Variants in PTGR3 observed in about 807,000 individuals in gnomAD.
PTGR3 encodes prostaglandin reductase 3.
the PTGR3 span, chr18:75,202,308 T>G: frequency 6.2e-7 from 1 of 1,613,682 alleles, no homozygotes; most frequent in Admixed American, 1.7e-5. Context: ...GCCTGCTGAA[T>G]AGTTGATGTC....
the PTGR3 span, among the ~76,000 whole-genome samples, chr18:75,204,885 TGGCCGACA>T: frequency 2.0e-5 from 3 of 152,144 alleles, no homozygotes; most frequent in African/African-American, 7.2e-5. Context: ...CGGAGCGCAG[TGGCCGACA>T]GACAGGGCCC....
At chr18:75,204,774 C>T in the PTGR3 span, among the ~76,000 whole-genome samples, 4 of 152,102 alleles carry the variant, frequency 2.6e-5, no homozygotes, top group Non-Finnish European at 5.9e-5. Flanking sequence ...CGGGCGGGGG[C>T]CCCGGCAGGC....
the PTGR3 span, among the ~76,000 whole-genome samples, chr18:75,207,453 C>CA: frequency 1.3e-5 from 2 of 152,228 alleles, no homozygotes; most frequent in South Asian, 4.1e-4. Flanking sequence ...AACACATACT[C>CA]AAGCCCTTCT....
the PTGR3 span, among the ~76,000 whole-genome samples, chr18:75,204,518 G>A: frequency 6.6e-6 from 1 of 152,232 alleles, no homozygotes; most frequent in Non-Finnish European, 1.5e-5. Context: ...AAGCGCTGGA[G>A]CGGTGGCAGC....
the PTGR3 span, chr18:75,198,748 G>A: frequency 1.4e-4 from 22 of 152,198 alleles, no homozygotes; most frequent in African/African-American, 5.1e-4. Context: ...CCGACATGCA[G>A]AGAAGTCCAC....
the PTGR3 span, chr18:75,198,823 T>C: frequency 1.3e-5 from 2 of 152,330 alleles, no homozygotes; most frequent in African/African-American, 2.4e-5. Context: ...AGACTGACAA[T>C]TGCCCTGAAT....
At chr18:75,209,101 G>C in the PTGR3 span, 2 of 1,422,934 alleles carry the variant, frequency 1.4e-6, no homozygotes, top group Admixed American at 5.8e-5. The surrounding 1 kb of genome is among the most constrained non-coding windows in gnomAD (Gnocchi z 4.7). Context: ...GCTGGCCGGG[G>C]TCGGCCCCCG....
the PTGR3 span, chr18:75,205,424 T>C: frequency 1.0e-6 from 1 of 985,320 alleles, no homozygotes; most frequent in Non-Finnish European, 1.2e-6. Flanking sequence ...CGCAGGATTC[T>C]AGTAATCCGA....
the PTGR3 span, chr18:75,205,329 G>C: frequency 1.0e-6 from 1 of 985,902 alleles, no homozygotes; most frequent in Non-Finnish European, 1.2e-6. Context: ...AGACAAGAAA[G>C]ACACACTGGG....
At chr18:75,201,859 T>C in the PTGR3 span, 3 of 1,614,210 alleles carry the variant, frequency 1.9e-6, no homozygotes, top group African/African-American at 2.7e-5. Context: ...TTAAGGACGG[T>C]ACCTACGGGT....
chr18:75,203,536 G>T, the PTGR3 span, among the ~76,000 whole-genome samples: 1 of 152,138 alleles, frequency 6.6e-6, no homozygotes, highest in Non-Finnish European at 1.5e-5. Context: ...GTATCTACAG[G>T]ACAGAAAAGT....
chr18:75,207,754 A>G, the PTGR3 span, among the ~76,000 whole-genome samples: 1 of 152,222 alleles, frequency 6.6e-6, no homozygotes, highest in East Asian at 1.9e-4. Context: ...TGGACAAATT[A>G]AATGCTGCAT....
the PTGR3 span, chr18:75,208,768 G>A: frequency 7.9e-7 from 1 of 1,259,562 alleles, no homozygotes; most frequent in Non-Finnish European, 1.0e-6. Flanking sequence ...ACGCGGGCGG[G>A]CTGGGGACTG....
chr18:75,205,208 C>T, the PTGR3 span: 1 of 985,488 alleles, frequency 1.0e-6, no homozygotes, highest in Non-Finnish European at 1.2e-6. Context: ...CGTGAGGGTC[C>T]GCAGCTCGCG....
At chr18:75,197,979 T>A in the PTGR3 span, 2 of 152,216 alleles carry the variant, frequency 1.3e-5, no homozygotes, top group Non-Finnish European at 2.9e-5. Flanking sequence ...ATTTATCCCA[T>A]ATGTCCACAT....
chr18:75,206,478 G>A, the PTGR3 span, among the ~76,000 whole-genome samples: 7 of 152,178 alleles, frequency 4.6e-5, no homozygotes, highest in Admixed American at 2.6e-4. Context: ...ATTGCTTAGG[G>A]GAGATTTGGT....
At chr18:75,199,168 A>ATT in the PTGR3 span, 1 of 152,564 alleles carries the variant, frequency 6.6e-6, no homozygotes, top group South Asian at 2.1e-4. Context: ...TTTGAATTTT[A>ATT]TTTTTACATA....
the PTGR3 span, among the ~76,000 whole-genome samples, chr18:75,204,373 A>G: frequency 6.6e-6 from 1 of 152,240 alleles, no homozygotes; most frequent in East Asian, 1.9e-4. Context: ...CCGGGTTAGC[A>G]GAGGCCAAGT....
chr18:75,208,234 G>T, the PTGR3 span: 1 of 824,068 alleles, frequency 1.2e-6, no homozygotes, highest in Non-Finnish European at 1.5e-6. Context: ...CACGCGCCAC[G>T]CGGCGGTCGT....
Sources: gnomAD v4.1 joint callset for allele counts (sites outside exome capture counted in the v4.1 genomes callset) on GRCh38, gnomAD v4.1.1 for gene constraint, Gnocchi (gnomAD v3.1) non-coding constraint, MANE v1.5 for transcripts, NCBI Gene and HGNC (gene_info 2026-07-23, HGNC 2026-07-21) for gene names.